STX1B: variants seen among roughly 807,000 people sequenced by gnomAD.
STX1B encodes syntaxin 1B, also known as syntaxin-1B.
A neutral mutation model predicts 39.4 loss-of-function variants in STX1B; 7 were observed. That is an observed-to-expected ratio of 0.18 (90% CI 0.10 to 0.33). STX1B has a LOEUF of 0.33. Among genes scored for constraint, STX1B ranks in the 10% least tolerant of loss-of-function variants. The pLI, the probability that STX1B is intolerant of heterozygous loss-of-function variation, is 1.00. For synonymous variants in STX1B, 136 were observed against 144.1 expected (o/e 0.94, Z 0.40); for missense variants, 198 against 383.2 (o/e 0.52, Z 4.04).
chr16:31,000,000 CTT>C (rs957640442), intron 4 of STX1B, among the ~76,000 whole-genome samples: 15 of 140,636 alleles, frequency 1.1e-4, no homozygotes, highest in African/African-American at 1.0e-4. Flanking sequence ...TGGCAAAGTT[CTT>C]TTTTTTTTTT....
chr16:31,001,049 G>T lies in STX1B; in HGVS notation c.205+45C>A. 3 of 1,613,944 alleles carry T rather than the reference G, an allele frequency of 1.9e-6. No individual in the cohort carries two copies. The highest frequency in any genetic ancestry group is 2.5e-6 in the Non-Finnish European group (3 of 1,179,806). On this transcript the variant is annotated intron_variant, in intron 3 of 9. Coordinates refer to ENST00000215095, the MANE Select transcript of STX1B (RefSeq NM_052874.5). The surrounding 1 kb of genome is among the most constrained non-coding windows in gnomAD (Gnocchi z 5.5). ...GTGAGATGTCTGGGTGGGAACCCCA[G>T]GCCCCTTCTCCTCCCACCCCACAGT...
intron 4 of STX1B, among the ~76,000 whole-genome samples, chr16:30,997,976 G>C (rs1403135332): frequency 1.3e-5 from 2 of 152,200 alleles, no homozygotes; most frequent in Non-Finnish European, 2.9e-5. Context: ...CCTCTGGACA[G>C]GGGGCAAGAA....
rs748980021 is a variant in STX1B, at chr16:30,997,484, T to A, written c.354+18A>T. Reference sequence around the variant, plus strand: ...AGCTGGGTCCCGACCCGACCCCCAATGGGCTGCCGCCTCCTACCTGGGTCT... The same window carrying A: ...AGCTGGGTCCCGACCCGACCCCCAAAGGGCTGCCGCCTCCTACCTGGGTCT... On this transcript the variant is annotated intron_variant, in intron 5 of 9. Coordinates refer to ENST00000215095, the MANE Select transcript of STX1B (RefSeq NM_052874.5). 1 of 1,589,674 alleles carries A rather than the reference T, an allele frequency of 6.3e-7. No individual in the cohort carries two copies. Among genetic ancestry groups the A allele is most frequent in the Admixed American group, 1.8e-5 (1 of 55,306 alleles).
chr16:30,992,818 G>T lies in STX1B; in HGVS notation c.*3C>A, dbSNP rs200589485. The T allele has an allele frequency of 1.4e-5, 22 of 1,593,948 alleles. No homozygotes were observed. Among genetic ancestry groups the T allele is most frequent in the Non-Finnish European group, 1.9e-5 (22 of 1,164,838 alleles). ...GTCTGGGAGAGAGAAGGGTGGGGGG[G>T]GCCTACAAGCCCAGCGTCCCCCCAA... On this transcript the variant is annotated 3_prime_UTR_variant, in exon 10 of 10. Transcript: ENST00000215095.
At position 30,990,583 on chromosome 16, in the gene STX1B, C is replaced by T. The variant is rs2056549106; in HGVS notation, c.*2238G>A. ...CACACACACGTACGCTTCACATGAC[C>T]TGGGACCCTGGGGTCCGCACACACA... On this transcript the variant is annotated 3_prime_UTR_variant, in exon 10 of 10. Transcript: ENST00000215095. 6.6e-6 allele frequency: 1 copy of T among 152,306 alleles called. No individual in the cohort carries two copies. Among genetic ancestry groups the T allele is most frequent in the African/African-American group, 2.4e-5 (1 of 41,448 alleles). The allele number at this position is 152,306 out of a possible 1,614,324, so 9.4% of individuals were successfully genotyped here. A position where few individuals can be genotyped will look rare whatever the true frequency, so the allele number is the denominator to read the frequency against.
chr16:30,993,660 C>T (rs2056575485), intron 7 of STX1B, among the ~76,000 whole-genome samples, 176 bp from the exon 8 acceptor site: 1 of 152,140 alleles, frequency 6.6e-6, no homozygotes, highest in African/African-American at 2.4e-5. Flanking sequence ...TAACACTGCC[C>T]ACCTCACAGG....
chr16:30,991,028 G>A lies in STX1B; in HGVS notation c.*1793C>T, dbSNP rs1166144077. On this transcript the variant is annotated 3_prime_UTR_variant, in exon 10 of 10. Transcript: ENST00000215095. ...GCCCAGAGCATCCGATGGGGCAGTG[G>A]GGGACACACAGTCCTCTCCCAGGTC... 6.6e-6 allele frequency: 1 copy of A among 152,628 alleles called. No homozygotes were observed. Among genetic ancestry groups the A allele is most frequent in the Admixed American group, 6.5e-5 (1 of 15,290 alleles). 9.5% of individuals were successfully genotyped at this position (152,628 alleles called of 1,614,324 possible).
At chr16:30,994,889 C>CTTT (rs1567377304) in intron 7 of STX1B, among the ~76,000 whole-genome samples, 1 of 39,412 alleles carries the variant, frequency 2.5e-5, no homozygotes, top group African/African-American at 6.3e-5. Flanking sequence ...TCAGTCTCCC[C>CTTT]GTCTTTTTTT....
chr16:30,994,619 A>G (rs1386325224), intron 7 of STX1B, among the ~76,000 whole-genome samples: 1 of 124,802 alleles, frequency 8.0e-6, no homozygotes, highest in Non-Finnish European at 1.8e-5. Flanking sequence ...CCAGTGGGGA[A>G]GAGACCGTGA....
chr16:30,997,697 G>C (rs1167474192), intron 4 of STX1B, 122 bp from the exon 5 acceptor site: 5 of 934,064 alleles, frequency 5.4e-6, no homozygotes, highest in Non-Finnish European at 8.1e-6. Context: ...GTCATCCCCA[G>C]GGCGAGTTGC....
In STX1B at chr16:30,997,071, G is replaced by T; in HGVS notation, c.355-12C>A. 6.3e-7 allele frequency: 1 copy of T among 1,589,182 alleles called. No individual in the cohort carries two copies. The highest frequency in any genetic ancestry group is 8.6e-7 in the Non-Finnish European group (1 of 1,158,304). On this transcript the variant is annotated splice_polypyrimidine_tract_variant and intron_variant, in intron 5 of 9. Coordinates refer to ENST00000215095, the MANE Select transcript of STX1B (RefSeq NM_052874.5). ...GACAGTGTGGAGTGCTACGGTGGGG[G>T]TGGGGGGACAGACGGATCAGGGAGG...
rs149214021 is a variant in STX1B at position 30,999,258 on chromosome 16, C to A, written c.280+1670G>T. ...CCTGAGTACAAAGGGCTTGTTTTTA[C>A]AAATCCACATCTGAGGCTCACATAT... On this transcript the variant is annotated intron_variant, in intron 4 of 9. Transcript: ENST00000215095. 7.9e-5 allele frequency among the ~76,000 whole-genome samples: 12 copies of A among 152,290 alleles called. No homozygotes were observed. In the East Asian group the frequency reaches 2.1e-3, roughly 27 times the overall value.
Position 31,001,506 on chromosome 16 carries a change from T to A in STX1B, c.105+23A>T, listed in dbSNP as rs901203544. On this transcript the variant is annotated intron_variant, in intron 2 of 9. Coordinates refer to ENST00000215095, the MANE Select transcript of STX1B (RefSeq NM_052874.5). This position sits in a 1 kb window ranked among gnomAD's most constrained non-coding sequence, Gnocchi z 5.5. The stretch of plus-strand genomic sequence containing the variant: ...TGGGTGCTGGGGCTGGGGCTGGGGC[T>A]GGGGGCCTTGGAGGCCCATTACCTG... The A allele has an allele frequency of 1.3e-6, 2 of 1,559,036 alleles. No homozygotes were observed. The highest frequency in any genetic ancestry group is 4.5e-5 in the East Asian group (2 of 44,286).
chr16:30,993,661 A>G (rs1429402668), intron 7 of STX1B, among the ~76,000 whole-genome samples, 177 bp from the exon 8 acceptor site: 2 of 151,988 alleles, frequency 1.3e-5, no homozygotes, highest in African/African-American at 4.8e-5. Flanking sequence ...AACACTGCCC[A>G]CCTCACAGGG....
At position 30,993,124 on chromosome 16, in the gene STX1B, G is replaced by A. The variant is rs750134526; in HGVS notation, c.786+6C>T. 7.6e-5 allele frequency: 123 copies of A among 1,613,458 alleles called. No individual in the cohort carries two copies. The highest frequency in any genetic ancestry group is 2.5e-4 in the East Asian group (11 of 44,884). The stretch of plus-strand genomic sequence containing the variant: ...CGCCTACCCCCAGGCCGCCTGCCCC[G>A]CTCACCCTCCGGGCCTTGCTCTGAT... On this transcript the variant is annotated splice_donor_region_variant and intron_variant, in intron 9 of 9. Coordinates refer to ENST00000215095, the MANE Select transcript of STX1B (RefSeq NM_052874.5).
intron 7 of STX1B, among the ~76,000 whole-genome samples, chr16:30,994,966 C>G (rs2056584544): frequency 9.1e-6 from 1 of 109,734 alleles, no homozygotes; most frequent in African/African-American, 3.4e-5. Context: ...GGCTGGAGTG[C>G]AGTGGTGCTA....
chr16:30,997,240 A>G (rs1478823632), intron 5 of STX1B, among the ~76,000 whole-genome samples, 181 bp from the exon 6 acceptor site: 1 of 152,128 alleles, frequency 6.6e-6, no homozygotes. Flanking sequence ...TGACAAGTTC[A>G]TGGTTCCCTA....
chr16:31,000,918 T>A lies in STX1B; in HGVS notation c.280+10A>T. 6.2e-7 allele frequency: 1 copy of A among 1,613,976 alleles called. No individual in the cohort carries two copies. Among genetic ancestry groups the A allele is most frequent in the South Asian group, 1.1e-5 (1 of 91,076 alleles). ...CTTTTCCTTCCTGGTTGAGGGATTG[T>A]ACTCCTCACCTTTCAATTTGGACCG... On this transcript the variant is annotated intron_variant, in intron 4 of 9. Transcript: ENST00000215095.
In STX1B at chr16:31,001,586, A is replaced by G. The variant is rs373759425; in HGVS notation, c.48T>C (p.Asp16=). 11 of 1,613,402 alleles carry G rather than the reference A, an allele frequency of 6.8e-6. No individual in the cohort carries two copies. In the Admixed American group the frequency reaches 1.8e-4, roughly 27 times the overall value. Residue 16 remains aspartate, a synonymous_variant, in exon 2 of 10, where the codon GAT becomes GAC. Coordinates refer to ENST00000215095, the MANE Select transcript of STX1B (RefSeq NM_052874.5). The surrounding 1 kb of genome is among the most constrained non-coding windows in gnomAD (Gnocchi z 5.5). ...GATCCACGTGGACCACCTCCTCTTC[A>G]TCATCACTGTCTTTCGCCTGGGGAC... ...QELRSAKDSD[D]EEEVVHVDRD...
Sources: allele counts gnomAD v4.1 joint callset (sites outside exome capture counted in the v4.1 genomes callset), GRCh38; gene constraint gnomAD v4.1.1; non-coding constraint Gnocchi (gnomAD v3.1); transcripts MANE v1.5; gene names NCBI Gene and HGNC (gene_info 2026-07-23, HGNC 2026-07-21).